The following NME8 variants were observed in gnomAD, a reference collection of about 807,000 sequenced individuals.
NME8 encodes the protein NME/NM23 family member 8.
NME8 carries 72 observed loss-of-function variants against 82.3 expected under a neutral mutation model. That is an observed-to-expected ratio of 0.87 (90% CI 0.72 to 1.06). The LOEUF (loss-of-function observed/expected upper bound fraction) is 1.06. Ranked by LOEUF, NME8 falls within the 50% of genes least tolerant of loss-of-function variation. The pLI is 0.00. For missense variants in NME8, 712 were observed against 685.4 expected, an observed-to-expected ratio of 1.04 and a Z score of -0.43; for synonymous variants, 267 against 228.5, an observed-to-expected ratio of 1.17 and a Z score of -1.52.
At chr7:37,894,811 C>T (rs1236941278) in intron 16 of NME8, among the ~76,000 whole-genome samples, 2 of 151,948 alleles carry the variant, frequency 1.3e-5, no homozygotes, top group Non-Finnish European at 2.9e-5. Context: ...TTCTGTCTCT[C>T]CTCGCTCCCT....
At chr7:37,873,658 C>G (rs1784805307) in intron 11 of NME8, among the ~76,000 whole-genome samples, 1 of 152,156 alleles carries the variant, frequency 6.6e-6, no homozygotes, top group Non-Finnish European at 1.5e-5. Context: ...TCCCATTTTA[C>G]AGTACATTGC....
Position 37,876,842 on chromosome 7 carries a change from T to C in NME8, c.829T>C (p.Tyr277His), listed in dbSNP as rs138867361. 1.7e-5 allele frequency: 27 copies of C among 1,611,696 alleles called. No individual in the cohort carries two copies. Among genetic ancestry groups the C allele is most frequent in the African/African-American group, 1.6e-4 (12 of 74,978 alleles). Reference protein sequence around the residue: ...MKNKQDSLQEYLERQHLAQLC... With the variant: ...MKNKQDSLQEHLERQHLAQLC... ...TTTGGATTTTGACAGTTTACAAGAATATCTGGAAAGACAACATTTAGCTCA... is the reference window on the plus strand; with the variant it reads ...TTTGGATTTTGACAGTTTACAAGAACATCTGGAAAGACAACATTTAGCTCA... Residue 277 changes from tyrosine (Y) to histidine (H), a missense_variant, in exon 12 of 18, where the codon TAT becomes CAT. By Grantham distance (83) the Tyr-to-His change is moderately conservative. Transcript: ENST00000199447.
chr7:37,891,639 C>A (rs1293448287), intron 15 of NME8, among the ~76,000 whole-genome samples: 1 of 151,628 alleles, frequency 6.6e-6, no homozygotes, highest in Non-Finnish European at 1.5e-5. Flanking sequence ...CAGAGTTGTC[C>A]AAGGGAAAGA....
At chr7:37,897,889 C>A (rs1165893279) in intron 17 of NME8, among the ~76,000 whole-genome samples, 1 of 152,166 alleles carries the variant, frequency 6.6e-6, no homozygotes, top group Non-Finnish European at 1.5e-5. Context: ...TTTTCTTTAT[C>A]CAGTCTATCG....
chr7:37,854,940 C>A (rs1784490374), intron 5 of NME8, among the ~76,000 whole-genome samples: 1 of 152,164 alleles, frequency 6.6e-6, no homozygotes. Context: ...TGCTTGATAG[C>A]TTTTGCAGCT....
chr7:37,864,296 A>G, intron 8 of NME8, 52 bp from the exon 9 acceptor site: 2 of 1,552,274 alleles, frequency 1.3e-6, no homozygotes, highest in Non-Finnish European at 1.8e-6. Context: ...TTCATTATCC[A>G]GACTTCGTGC....
At position 37,876,992 on chromosome 7, in the gene NME8, T is replaced by C. The variant is rs1784863931; in HGVS notation, c.979T>C (p.Phe327Leu). 1.9e-6 allele frequency: 3 copies of C among 1,612,154 alleles called. No individual in the cohort carries two copies. The highest frequency in any genetic ancestry group is 2.7e-5 in the African/African-American group (2 of 75,012). The change falls in exon 12 of 18, where the codon TTT becomes CTT. Residue 327 changes from phenylalanine to leucine, a missense_variant. By Grantham distance (22) the Phe-to-Leu change is conservative. Transcript: ENST00000199447. ...ATTGGCATTACTTCGACCAAATCTC[T>C]TTCATGAAAGGAAAGGTAGGGAATC... ...KTLALLRPNL[F>L]HERKDDVLRI...
intron 5 of NME8, among the ~76,000 whole-genome samples, chr7:37,851,009 A>G (rs986171664): frequency 2.0e-5 from 3 of 152,200 alleles, no homozygotes; most frequent in African/African-American, 7.2e-5. Context: ...GTTTCCTTTC[A>G]CCTGACCACA....
Position 37,863,773 on chromosome 7 carries a change from T to A in NME8, c.454+311T>A, listed in dbSNP as rs140695957. On this transcript the variant is annotated intron_variant, in intron 8 of 17. Coordinates refer to ENST00000199447, the MANE Select transcript of NME8 (RefSeq NM_016616.5). ...TTCATCATCTTCCAAATATTTGTGA[T>A]GATAATTTCTTCCTTGATGACCCAT... Among the ~76,000 whole-genome samples, 538 of 152,322 alleles carry A rather than the reference T, an allele frequency of 3.5e-3. 4 individuals are homozygous for A. The highest frequency in any genetic ancestry group is 0.013 in the African/African-American group (522 of 41,572).
intron 15 of NME8, 85 bp downstream of exon 15, chr7:37,888,513 A>T (rs1785078146): frequency 2.3e-6 from 3 of 1,332,918 alleles, no homozygotes; most frequent in African/African-American, 2.9e-5. Flanking sequence ...GAAAAGCAAA[A>T]CAGGAAACAG....
At chr7:37,865,498 G>A (rs1322865831) in intron 9 of NME8, 27 bp from the exon 10 acceptor site, 3 of 1,502,620 alleles carry the variant, frequency 2.0e-6, no homozygotes, top group Non-Finnish European at 2.8e-6. Flanking sequence ...CACGACACCT[G>A]GATTTGACCT....
chr7:37,871,731 C>G (rs1396437799), intron 11 of NME8, among the ~76,000 whole-genome samples: 2 of 152,080 alleles, frequency 1.3e-5, no homozygotes, highest in Non-Finnish European at 2.9e-5. Flanking sequence ...TTCCTCTGTC[C>G]ATAGAAAATA....
At chr7:37,894,660 A>T in intron 16 of NME8, 50 bp downstream of exon 16, 1 of 1,487,008 alleles carries the variant, frequency 6.7e-7, no homozygotes, top group Non-Finnish European at 9.2e-7. Context: ...GTAAATGTTC[A>T]TTATAGAAAC....
At chr7:37,891,791 C>T (rs547387495) in intron 15 of NME8, among the ~76,000 whole-genome samples, 1 of 151,944 alleles carries the variant, frequency 6.6e-6, no homozygotes, top group African/African-American at 2.4e-5. Flanking sequence ...AACACAACAA[C>T]AAAAAAAGTT....
rs763297191 is a variant in NME8, at chr7:37,896,983, G to A, written c.1658G>A (p.Arg553Gln). ...EAKLLSPDSI[R>Q]AQFGISKLKN... ...AAATTACTTTCCCCTGACTCCATCCGAGCCCAGTTTGGAATAAGTAAATTG... is the reference window on the plus strand; with the variant it reads ...AAATTACTTTCCCCTGACTCCATCCAAGCCCAGTTTGGAATAAGTAAATTG... The change falls in exon 17 of 18, where the codon CGA (arginine) becomes CAA (glutamine). Residue 553 changes from arginine to glutamine, a missense_variant. Coordinates refer to ENST00000199447, the MANE Select transcript of NME8 (RefSeq NM_016616.5). 2.7e-5 allele frequency: 43 copies of A among 1,613,756 alleles called. No homozygotes were observed. Among genetic ancestry groups the A allele is most frequent in the East Asian group, 2.0e-4 (9 of 44,876 alleles).
Position 37,877,077 on chromosome 7 carries a change from G to A in NME8, c.994+70G>A. On this transcript the variant is annotated intron_variant, in intron 12 of 17. Coordinates refer to ENST00000199447, the MANE Select transcript of NME8 (RefSeq NM_016616.5). The stretch of plus-strand genomic sequence containing the variant: ...GATTTGAATAAACCCTAGTATAATT[G>A]CATTTAAAGACATTGTTTTAAAATT... 9 of 1,264,420 alleles carry A rather than the reference G, an allele frequency of 7.1e-6. No individual in the cohort carries two copies. The South Asian group carries it at 7.7e-5, about 11-fold the overall frequency. The allele number at this position is 1,264,420 out of a possible 1,614,324, so 78.3% of individuals were successfully genotyped here.
chr7:37,897,002 T>C lies in NME8; in HGVS notation c.1677T>C (p.Ser559=), dbSNP rs1562844285. 2 of 1,613,936 alleles carry C rather than the reference T, an allele frequency of 1.2e-6. No individual in the cohort carries two copies. Among genetic ancestry groups the C allele is most frequent in the Middle Eastern group, 1.7e-4 (1 of 6,056 alleles). ...PDSIRAQFGI[S]KLKNIVHGAS... ...CCATCCGAGCCCAGTTTGGAATAAGTAAATTGAAAAACATTGTCCATGGAG... is the reference window on the plus strand; with the variant it reads ...CCATCCGAGCCCAGTTTGGAATAAGCAAATTGAAAAACATTGTCCATGGAG... Residue 559 remains serine, a synonymous_variant, in exon 17 of 18, where the codon AGT becomes AGC. Coordinates refer to ENST00000199447, the MANE Select transcript of NME8 (RefSeq NM_016616.5).
chr7:37,863,719 T>TA (rs1383483079), intron 8 of NME8, among the ~76,000 whole-genome samples: 1 of 152,194 alleles, frequency 6.6e-6, no homozygotes, highest in Non-Finnish European at 1.5e-5. Context: ...TCCTGTGACT[T>TA]ATCTGGACAG....
chr7:37,882,564 A>AAAGAAAGG, intron 12 of NME8, among the ~76,000 whole-genome samples: 1 of 28,786 alleles, frequency 3.5e-5, no homozygotes. Context: ...AGAAAGAAAG[A>AAAGAAAGG]AAGAAAGAAA....
Sources: gnomAD v4.1 joint callset for allele counts (sites outside exome capture counted in the v4.1 genomes callset) on GRCh38, gnomAD v4.1.1 for gene constraint, MANE v1.5 for transcripts, NCBI Gene and HGNC (gene_info 2026-07-23, HGNC 2026-07-21) for gene names.